TMEM132D: variants seen among roughly 807,000 people sequenced by gnomAD.
TMEM132D encodes mature OL transmembrane protein.
Under a neutral mutation model 62.3 loss-of-function variants are expected in TMEM132D, and 21 were observed. That is an observed-to-expected ratio of 0.34 (90% confidence interval 0.24 to 0.49). The LOEUF (loss-of-function observed/expected upper bound fraction) is 0.49, where lower values mean the gene tolerates loss of function less well. Ranked by LOEUF, TMEM132D falls within the 20% of genes least tolerant of loss-of-function variation. The probability of loss-of-function intolerance (pLI) is 0.99; values close to 1 mark genes in which losing one functional copy is unlikely to be tolerated. For synonymous variants in TMEM132D, 621 were observed against 575.6 expected (o/e 1.08, Z -1.13); for missense variants, 1,346 against 1,402.8 (o/e 0.96, Z 0.65).
intron 2 of TMEM132D, among the ~76,000 whole-genome samples, chr12:129,580,310 T>C (rs1277157647): frequency 1.3e-5 from 2 of 152,356 alleles, no homozygotes; most frequent in Non-Finnish European, 2.9e-5. Flanking sequence ...AGCTGAAGCC[T>C]GTACAGGACT....
intron 1 of TMEM132D, among the ~76,000 whole-genome samples, chr12:129,795,645 G>C (rs557683380): frequency 6.6e-6 from 1 of 152,142 alleles, no homozygotes; most frequent in Admixed American, 6.5e-5. Flanking sequence ...TGTGGGGAAA[G>C]TGTCAGTCTA....
chr12:129,653,475 G>A lies in TMEM132D; in HGVS notation c.968+46335C>T, dbSNP rs138965751. The stretch of plus-strand genomic sequence containing the variant: ...TCTATCTTGTTACTTTTTCTTTGAG[G>A]CTAACTGATAAGAGGAGAAAATAGA... On this transcript the variant is annotated intron_variant, in intron 2 of 8. Transcript: ENST00000422113. 5.5e-3 allele frequency among the ~76,000 whole-genome samples: 841 copies of A among 152,228 alleles called. 8 individuals are homozygous for A. The highest frequency in any genetic ancestry group is 0.019 in the African/African-American group (804 of 41,536).
intron 5 of TMEM132D, among the ~76,000 whole-genome samples, chr12:129,157,113 C>G (rs1328073832): frequency 6.6e-6 from 1 of 152,108 alleles, no homozygotes; most frequent in African/African-American, 2.4e-5. Flanking sequence ...GATAACTATC[C>G]CACTTCTATG....
chr12:129,818,576 A>C (rs942408505), intron 1 of TMEM132D, among the ~76,000 whole-genome samples: 1 of 132,662 alleles, frequency 7.5e-6, no homozygotes, highest in Non-Finnish European at 1.6e-5. Flanking sequence ...GTGTATGTGT[A>C]TGTGTGTGGA....
intron 4 of TMEM132D, among the ~76,000 whole-genome samples, chr12:129,278,974 C>T (rs1270563362): frequency 6.6e-6 from 1 of 152,146 alleles, no homozygotes; most frequent in Non-Finnish European, 1.5e-5. Flanking sequence ...AGGTGCGCCT[C>T]CAGGCTTCGG....
At chr12:129,526,067 T>C (rs974243904) in intron 3 of TMEM132D, among the ~76,000 whole-genome samples, 4 of 152,196 alleles carry the variant, frequency 2.6e-5, no homozygotes, top group African/African-American at 9.7e-5. Flanking sequence ...TTTAAGTTTC[T>C]AACATACACA....
chr12:129,319,127 C>T (rs1868590472), intron 4 of TMEM132D, among the ~76,000 whole-genome samples: 1 of 152,196 alleles, frequency 6.6e-6, no homozygotes, highest in African/African-American at 2.4e-5. Flanking sequence ...GGAGGCTTCT[C>T]GCCCCATTCA....
chr12:129,243,238 T>C (rs953684316), intron 4 of TMEM132D, among the ~76,000 whole-genome samples: 1 of 152,224 alleles, frequency 6.6e-6, no homozygotes, highest in African/African-American at 2.4e-5. Context: ...ACCCTTCTAT[T>C]TGTAGTGACT....
At chr12:129,501,566 G>A (rs180718777) in intron 3 of TMEM132D, among the ~76,000 whole-genome samples, 43 of 151,976 alleles carry the variant, frequency 2.8e-4, no homozygotes, top group African/African-American at 1.0e-3. Context: ...AGTGCAGGGT[G>A]TGACCACGGC....
chr12:129,766,133 G>T (rs1170353016), intron 1 of TMEM132D, among the ~76,000 whole-genome samples: 1 of 152,088 alleles, frequency 6.6e-6, no homozygotes, highest in African/African-American at 2.4e-5. Flanking sequence ...AAGTTGAAAT[G>T]GGGTGGCTGC....
At chr12:129,745,690 T>C (rs1456746502) in intron 1 of TMEM132D, among the ~76,000 whole-genome samples, 1 of 152,200 alleles carries the variant, frequency 6.6e-6, no homozygotes, top group Non-Finnish European at 1.5e-5. Context: ...TGTATCACCA[T>C]AAAGAATATC....
chr12:129,211,232 C>T (rs1403638742), intron 4 of TMEM132D, among the ~76,000 whole-genome samples: 1 of 152,224 alleles, frequency 6.6e-6, no homozygotes, highest in Non-Finnish European at 1.5e-5. Context: ...CAACATGCCA[C>T]ATTGCGTTTC....
At chr12:129,790,962 G>C (rs1871386549) in intron 1 of TMEM132D, among the ~76,000 whole-genome samples, 1 of 152,116 alleles carries the variant, frequency 6.6e-6, no homozygotes, top group Non-Finnish European at 1.5e-5. Context: ...TGTTTTCAAT[G>C]GAAAGAAATT....
In TMEM132D at chr12:129,129,916, T is replaced by A. The variant is rs536948772; in HGVS notation, c.1444-45214A>T. Among the ~76,000 whole-genome samples, 8 of 152,216 alleles carry A rather than the reference T, an allele frequency of 5.3e-5. No individual in the cohort carries two copies. In the South Asian group the frequency reaches 1.7e-3, roughly 32 times the overall value. Reference sequence around the variant, plus strand: ...ATTAACACATCCTCATATTTGCTTCTCTCATTCCCTGATTTATTCTCCCTA... The same window carrying A: ...ATTAACACATCCTCATATTTGCTTCACTCATTCCCTGATTTATTCTCCCTA... On this transcript the variant is annotated intron_variant, in intron 5 of 8. Transcript: ENST00000422113.
chr12:129,849,577 T>G (rs1315049193), intron 1 of TMEM132D, among the ~76,000 whole-genome samples: 1 of 152,174 alleles, frequency 6.6e-6, no homozygotes, highest in African/African-American at 2.4e-5. Flanking sequence ...CCATTGACAC[T>G]CCCACCAAAG....
intron 5 of TMEM132D, among the ~76,000 whole-genome samples, chr12:129,206,233 T>C (rs923549319): frequency 1.4e-4 from 22 of 152,290 alleles, no homozygotes; most frequent in African/African-American, 5.1e-4. Flanking sequence ...ATCCCGCACC[T>C]GTAAGGAAAA....
At chr12:129,293,004 G>A (rs554678173) in intron 4 of TMEM132D, among the ~76,000 whole-genome samples, 3 of 152,268 alleles carry the variant, frequency 2.0e-5, no homozygotes, top group East Asian at 1.9e-4. Context: ...AGAACGAGCC[G>A]AGGAGAGAGA....
intron 2 of TMEM132D, among the ~76,000 whole-genome samples, chr12:129,549,788 T>G (rs1876840938): frequency 6.6e-6 from 1 of 152,204 alleles, no homozygotes; most frequent in Admixed American, 6.5e-5. Flanking sequence ...TAAAGCTTTG[T>G]TATGTCATCT....
At chr12:129,475,193 T>C (rs1874221051) in intron 3 of TMEM132D, among the ~76,000 whole-genome samples, 3 of 152,166 alleles carry the variant, frequency 2.0e-5, no homozygotes, top group South Asian at 4.1e-4. Context: ...GACATGGAAA[T>C]TGAGGCACAA....
Sources: gnomAD v4.1 joint callset for allele counts (sites outside exome capture counted in the v4.1 genomes callset) on GRCh38, gnomAD v4.1.1 for gene constraint, MANE v1.5 for transcripts, NCBI Gene and HGNC (gene_info 2026-07-23, HGNC 2026-07-21) for gene names.